KCNU1: variants seen among roughly 807,000 people sequenced by gnomAD.
KCNU1 encodes potassium calcium-activated channel subfamily U member 1, also known as potassium channel subfamily U member 1.
In KCNU1, 93 loss-of-function variants were observed where a neutral mutation model predicts 126.8. The observed-to-expected ratio is 0.73, with a 90% CI of 0.62 to 0.87. The LOEUF (loss-of-function observed/expected upper bound fraction) is 0.87. Ranked by LOEUF, KCNU1 falls within the 40% of genes least tolerant of loss-of-function variation. The pLI, the probability that KCNU1 is intolerant of heterozygous loss-of-function variation, is 0.00. For missense variants in KCNU1, 1,330 were observed against 1,367.1 expected, an observed-to-expected ratio of 0.97 and a Z score of 0.43; for synonymous variants, 523 against 494.2, an observed-to-expected ratio of 1.06 and a Z score of -0.77.
At chr8:36,897,905 G>A (rs1427010105) in intron 19 of KCNU1, among the ~76,000 whole-genome samples, 4 of 152,052 alleles carry the variant, frequency 2.6e-5, no homozygotes, top group South Asian at 4.1e-4. Flanking sequence ...ACTCCATGTC[G>A]TGAGTGATCC....
At chr8:36,892,461 T>C (rs960723489) in intron 19 of KCNU1, among the ~76,000 whole-genome samples, 2 of 151,802 alleles carry the variant, frequency 1.3e-5, no homozygotes, top group Non-Finnish European at 2.9e-5. Context: ...AGTCTGGGCT[T>C]CCTTCCGGAC....
intron 19 of KCNU1, among the ~76,000 whole-genome samples, chr8:36,873,723 T>C (rs1203733275): frequency 6.6e-6 from 1 of 152,176 alleles, no homozygotes; most frequent in African/African-American, 2.4e-5. Context: ...AGTTGGCAGC[T>C]CTCTTAAGCA....
chr8:36,815,345 CAT>C (rs1585407299), intron 8 of KCNU1, among the ~76,000 whole-genome samples: 2 of 152,102 alleles, frequency 1.3e-5, no homozygotes, highest in East Asian at 1.9e-4. Context: ...AAGGATAAGA[CAT>C]GTGGGGAAAT....
At chr8:36,861,100 C>T (rs1805713796) in intron 18 of KCNU1, among the ~76,000 whole-genome samples, 1 of 152,042 alleles carries the variant, frequency 6.6e-6, no homozygotes, top group Non-Finnish European at 1.5e-5. Flanking sequence ...TCAGAAGTCC[C>T]CTGGTCTTAG....
chr8:36,851,110 A>G (rs1184757008), intron 18 of KCNU1, among the ~76,000 whole-genome samples: 1 of 152,156 alleles, frequency 6.6e-6, no homozygotes, highest in Non-Finnish European at 1.5e-5. Context: ...TAATTTCTGC[A>G]AGGAAACTAG....
At chr8:36,817,235 C>T (rs904790762) in intron 9 of KCNU1, among the ~76,000 whole-genome samples, 3 of 151,504 alleles carry the variant, frequency 2.0e-5, no homozygotes, top group East Asian at 2.0e-4. Flanking sequence ...CACAGTGGCT[C>T]GTGCCTGTAA....
At chr8:36,802,948 G>A (rs1803365554) in intron 2 of KCNU1, among the ~76,000 whole-genome samples, 1 of 152,202 alleles carries the variant, frequency 6.6e-6, no homozygotes, top group African/African-American at 2.4e-5. Context: ...CATGAATTCA[G>A]TTGGAATCTC....
intron 22 of KCNU1, among the ~76,000 whole-genome samples, chr8:36,911,694 C>T (rs1424095008): frequency 2.0e-5 from 3 of 152,158 alleles, no homozygotes; most frequent in African/African-American, 7.2e-5. Flanking sequence ...ATGCAAGGGT[C>T]TTTCCAGGAT....
At chr8:36,854,495 A>C (rs1349170895) in intron 18 of KCNU1, among the ~76,000 whole-genome samples, 2 of 139,548 alleles carry the variant, frequency 1.4e-5, no homozygotes, top group Non-Finnish European at 3.1e-5. Flanking sequence ...TTGCATGCTC[A>C]AGTCTGATCT....
At chr8:36,819,591 T>G (rs971367582) in intron 10 of KCNU1, among the ~76,000 whole-genome samples, 2 of 152,280 alleles carry the variant, frequency 1.3e-5, no homozygotes, top group East Asian at 3.9e-4. Context: ...AAGGCCACTT[T>G]ATTTGTTTGT....
In KCNU1 at chr8:36,817,937, T is replaced by G. The variant is rs533531717; in HGVS notation, c.1106+177T>G. Among the ~76,000 whole-genome samples, 8 of 152,342 alleles carry G rather than the reference T, an allele frequency of 5.3e-5. No individual in the cohort carries two copies. The South Asian group carries it at 1.7e-3, about 32-fold the overall frequency. ...GCTAATCTCTGCAAATATTTTGGAA[T>G]ATATCTTGTCAGATGTTTTTCTGCA... On this transcript the variant is annotated intron_variant, in intron 10 of 26. Coordinates refer to ENST00000399881, the MANE Select transcript of KCNU1 (RefSeq NM_001031836.3).
intron 19 of KCNU1, among the ~76,000 whole-genome samples, chr8:36,879,663 A>G (rs1278341727): frequency 6.6e-6 from 1 of 152,176 alleles, no homozygotes; most frequent in Non-Finnish European, 1.5e-5. Flanking sequence ...ATGCTTCAAC[A>G]GCTGGCATTC....
At chr8:36,861,606 G>A (rs1463095787) in intron 18 of KCNU1, among the ~76,000 whole-genome samples, 1 of 152,132 alleles carries the variant, frequency 6.6e-6, no homozygotes, top group Non-Finnish European at 1.5e-5. Context: ...TCTAGAATAT[G>A]TAATATCACT....
chr8:36,858,008 T>C (rs562098968), intron 18 of KCNU1, among the ~76,000 whole-genome samples: 65 of 152,258 alleles, frequency 4.3e-4, no homozygotes, highest in African/African-American at 1.5e-3. Context: ...AATGTGTGTT[T>C]GTTTATGTTT....
intron 18 of KCNU1, among the ~76,000 whole-genome samples, chr8:36,863,610 G>T (rs1435757032): frequency 6.6e-6 from 1 of 152,120 alleles, no homozygotes; most frequent in Non-Finnish European, 1.5e-5. Context: ...AATTCTTATT[G>T]TGTGACAATG....
At chr8:36,797,822 T>A (rs1376302401) in intron 2 of KCNU1, among the ~76,000 whole-genome samples, 1 of 152,214 alleles carries the variant, frequency 6.6e-6, no homozygotes, top group Non-Finnish European at 1.5e-5. Context: ...GCTGCTCCAG[T>A]GTTTTCTAGC....
chr8:36,839,115 G>A (rs1021497354), intron 14 of KCNU1, among the ~76,000 whole-genome samples: 6 of 152,126 alleles, frequency 3.9e-5, no homozygotes, highest in African/African-American at 1.4e-4. Context: ...TGAGAACTCA[G>A]ATTAAAAGGC....
chr8:36,878,761 G>A (rs1432660650), intron 19 of KCNU1, among the ~76,000 whole-genome samples: 2 of 149,138 alleles, frequency 1.3e-5, no homozygotes, highest in South Asian at 2.1e-4. Flanking sequence ...GGACATATGT[G>A]TATATTTTAT....
intron 19 of KCNU1, among the ~76,000 whole-genome samples, chr8:36,895,199 C>G (rs1807137739): frequency 6.6e-6 from 1 of 151,906 alleles, no homozygotes; most frequent in African/African-American, 2.4e-5. Flanking sequence ...CTGCCTCAGA[C>G]TTCCAAGTAA....
Sources: allele counts gnomAD v4.1 joint callset (sites outside exome capture counted in the v4.1 genomes callset), GRCh38; gene constraint gnomAD v4.1.1; transcripts MANE v1.5; gene names NCBI Gene and HGNC (gene_info 2026-07-23, HGNC 2026-07-21).